The following RNF157 variants were observed in gnomAD, a reference collection of about 807,000 sequenced individuals.
The protein encoded by RNF157 is ring finger protein 157, also known as E3 ubiquitin ligase RNF157.
RNF157 carries 55 observed loss-of-function variants against 88.3 expected under a neutral mutation model. The observed-to-expected ratio is 0.62, with a 90% CI of 0.50 to 0.78. The LOEUF (loss-of-function observed/expected upper bound fraction) is 0.78, where lower values mean the gene tolerates loss of function less well. Among genes scored for constraint, RNF157 ranks in the 30% least tolerant of loss-of-function variants. The probability of loss-of-function intolerance (pLI) is 0.00; values close to 1 mark genes in which losing one functional copy is unlikely to be tolerated. For missense variants in RNF157, 788 were observed against 860.8 expected, an observed-to-expected ratio of 0.92 and a Z score of 1.06; for synonymous variants, 334 against 341.2, an observed-to-expected ratio of 0.98 and a Z score of 0.23.
intron 2 of RNF157, among the ~76,000 whole-genome samples, chr17:76,194,915 T>A (rs773610884): frequency 3.3e-5 from 5 of 152,060 alleles, no homozygotes; most frequent in East Asian, 1.9e-4. Flanking sequence ...CTCAGGAGGC[T>A]GAGGCAGCAG....
intron 2 of RNF157, among the ~76,000 whole-genome samples, chr17:76,208,129 C>T (rs976336643): frequency 3.9e-5 from 6 of 152,100 alleles, no homozygotes; most frequent in African/African-American, 1.4e-4. Context: ...CGCTATGTTG[C>T]CCAGGCTGGT....
chr17:76,192,883 C>T (rs550510043), intron 2 of RNF157, among the ~76,000 whole-genome samples: 2 of 148,922 alleles, frequency 1.3e-5, no homozygotes, highest in South Asian at 2.1e-4. Context: ...CTCTCTTGCA[C>T]AGGGTGACTG....
At chr17:76,191,422 C>G (rs1016959236) in intron 2 of RNF157, among the ~76,000 whole-genome samples, 2 of 151,654 alleles carry the variant, frequency 1.3e-5, no homozygotes, top group African/African-American at 4.8e-5. Context: ...ACCAGCCTGG[C>G]CAAAACCCTG....
At chr17:76,179,080 C>G (rs2069149717) in intron 2 of RNF157, among the ~76,000 whole-genome samples, 1 of 152,164 alleles carries the variant, frequency 6.6e-6, no homozygotes, top group South Asian at 2.1e-4. Context: ...TGCACCATTA[C>G]TAAGTTATAT....
At chr17:76,198,358 T>G (rs2069513067) in intron 2 of RNF157, among the ~76,000 whole-genome samples, 1 of 152,126 alleles carries the variant, frequency 6.6e-6, no homozygotes, top group African/African-American at 2.4e-5. Context: ...GGGGGGTTCT[T>G]GGGAGCTTGG....
At chr17:76,228,112 A>AT (rs2070125654) in intron 1 of RNF157, among the ~76,000 whole-genome samples, 1 of 152,196 alleles carries the variant, frequency 6.6e-6, no homozygotes, top group Non-Finnish European at 1.5e-5. Context: ...AAAAAAAACC[A>AT]TTTATGGAAT....
intron 2 of RNF157, among the ~76,000 whole-genome samples, chr17:76,206,672 C>T (rs2069686907): frequency 2.0e-5 from 3 of 152,168 alleles, no homozygotes; most frequent in South Asian, 4.1e-4. Context: ...CATGGTGGTT[C>T]GCTCTTGTTG....
intron 17 of RNF157, chr17:76,153,672 A>C (rs1361483031): frequency 6.6e-6 from 1 of 152,588 alleles, no homozygotes. Context: ...CTTCCAACTG[A>C]AGATGTAACT....
chr17:76,156,625 G>C, intron 13 of RNF157: 3 of 671,286 alleles, frequency 4.5e-6, no homozygotes, highest in Non-Finnish European at 5.5e-6. Flanking sequence ...CTGTGACATG[G>C]GGACACCCCA....
intron 2 of RNF157, among the ~76,000 whole-genome samples, chr17:76,189,001 T>C (rs2069338730): frequency 6.6e-6 from 1 of 152,216 alleles, no homozygotes; most frequent in Non-Finnish European, 1.5e-5. Context: ...AGGGAAGTTC[T>C]ACAAAATACC....
At position 76,193,752 on chromosome 17, in the gene RNF157, G is replaced by A. The variant is rs1203942574; in HGVS notation, c.207+18612C>T. Among the ~76,000 whole-genome samples, 3 of 152,326 alleles carry A rather than the reference G, an allele frequency of 2.0e-5. No individual in the cohort carries two copies. The East Asian group carries it at 5.8e-4, about 29-fold the overall frequency. The stretch of plus-strand genomic sequence containing the variant: ...GATCCGAAACAATCAGGAGCTGAGC[G>A]AGAAAACAAAACAGAGGTCTGAGGC... On this transcript the variant is annotated intron_variant, in intron 2 of 18. Coordinates refer to ENST00000269391, the MANE Select transcript of RNF157 (RefSeq NM_052916.3).
chr17:76,209,831 C>A (rs988291603), intron 2 of RNF157, among the ~76,000 whole-genome samples: 2 of 152,150 alleles, frequency 1.3e-5, no homozygotes, highest in Non-Finnish European at 2.9e-5. Flanking sequence ...ATGATCTTGG[C>A]TTACTGCAAC....
chr17:76,223,015 C>T (rs1008725508), intron 1 of RNF157, among the ~76,000 whole-genome samples: 1 of 151,962 alleles, frequency 6.6e-6, no homozygotes. Flanking sequence ...CTCAGCCTTC[C>T]GAGTAGCTGG....
chr17:76,203,192 T>C (rs915355492), intron 2 of RNF157, among the ~76,000 whole-genome samples: 3 of 152,042 alleles, frequency 2.0e-5, no homozygotes, highest in Non-Finnish European at 2.9e-5. Flanking sequence ...GGTTTCGCCA[T>C]GTTGGCCAGG....
chr17:76,156,106 G>T (rs1236702477), intron 14 of RNF157, 104 bp downstream of exon 14: 7 of 853,640 alleles, frequency 8.2e-6, no homozygotes, highest in Non-Finnish European at 1.2e-5. Context: ...ATGCAGTACA[G>T]GTATTAGCTT....
At chr17:76,175,702 T>C in intron 2 of RNF157, 1 of 952,976 alleles carries the variant, frequency 1.0e-6, no homozygotes, top group Non-Finnish European at 1.2e-6. Flanking sequence ...GCAAAGTTAA[T>C]CATTTTCATT....
At chr17:76,204,625 A>G (rs1240206181) in intron 2 of RNF157, among the ~76,000 whole-genome samples, 2 of 152,228 alleles carry the variant, frequency 1.3e-5, no homozygotes, top group Non-Finnish European at 2.9e-5. Context: ...AAATGGATAT[A>G]CTACCAAGTT....
rs531743557 is a variant in RNF157 at position 76,205,133 on chromosome 17, CTTTTTTTCTTTCTTTTT to C, written c.207+7214_207+7230del. 7.3e-5 allele frequency among the ~76,000 whole-genome samples: 11 copies of C among 150,702 alleles called. No homozygotes were observed. In the South Asian group the frequency reaches 2.1e-3, roughly 29 times the overall value. ...GTTCCCTCCCTTCCTCTTTTCTTTT[CTTTTTTTCTTTCTTTTT>C]TTTTTTTTGACAGGGTCATGCTCTG... On this transcript the variant is annotated intron_variant, in intron 2 of 18. Coordinates refer to ENST00000269391, the MANE Select transcript of RNF157 (RefSeq NM_052916.3).
At chr17:76,209,658 T>A (rs73362574) in intron 2 of RNF157, among the ~76,000 whole-genome samples, 3,799 of 152,270 alleles carry the variant, frequency 0.025, 139 homozygotes, top group African/African-American at 0.081. Flanking sequence ...AAAATTTTTT[T>A]AAAAATATAT....
Sources: allele counts gnomAD v4.1 joint callset (sites outside exome capture counted in the v4.1 genomes callset), GRCh38; gene constraint gnomAD v4.1.1; transcripts MANE v1.5; gene names NCBI Gene and HGNC (gene_info 2026-07-23, HGNC 2026-07-21).